The following DNAH3 variants were observed in gnomAD, a reference collection of about 807,000 sequenced individuals.
The protein encoded by DNAH3 is axonemal beta dynein heavy chain 3.
In DNAH3, 332 loss-of-function variants were observed where a neutral mutation model predicts 432.5. The observed-to-expected ratio is 0.77, with a 90% CI of 0.70 to 0.84. The LOEUF (loss-of-function observed/expected upper bound fraction) is 0.84, where lower values mean the gene tolerates loss of function less well. Among genes scored for constraint, DNAH3 ranks in the 40% least tolerant of loss-of-function variants. DNAH3 has a pLI of 0.00. For synonymous variants in DNAH3, 1,956 were observed against 1,900.2 expected (o/e 1.03, Z -0.76); for missense variants, 4,861 against 5,114.0 (o/e 0.95, Z 1.51).
intron 23 of DNAH3, 68 bp from the exon 24 acceptor site, chr16:21,067,487 G>C (rs2152759031): frequency 1.3e-6 from 2 of 1,559,712 alleles, no homozygotes; most frequent in East Asian, 2.3e-5. Flanking sequence ...TCATTGTATT[G>C]AATGTGTGAC....
In DNAH3 at chr16:20,975,449, C is replaced by T. The variant is rs772554600; in HGVS notation, c.8077-34G>A. On this transcript the variant is annotated intron_variant, in intron 50 of 61. Transcript: ENST00000261383. ...GAGAGAGGTGGGAGAAATCCAGGGT[C>T]AGCACTGAAAATGGCAAAGTAGACA... 6.9e-6 allele frequency: 11 copies of T among 1,598,602 alleles called. 1 individual carries two copies. The East Asian group carries it at 2.0e-4, about 29-fold the overall frequency.
intron 38 of DNAH3, among the ~76,000 whole-genome samples, chr16:21,025,973 A>G (rs1279919952): frequency 6.6e-6 from 1 of 152,082 alleles, no homozygotes; most frequent in African/African-American, 2.4e-5. Context: ...TCCTGACCTC[A>G]GGTGATCTGC....
exon 48 of DNAH3, chr16:20,985,131 T>C: frequency 6.2e-7 from 1 of 1,614,210 alleles, no homozygotes; most frequent in Non-Finnish European, 8.5e-7. Flanking sequence ...CCTTCTCTCC[T>C]TGGGTCCTGG....
At chr16:20,966,173 G>A (rs1340850117) in intron 52 of DNAH3, among the ~76,000 whole-genome samples, 2 of 150,750 alleles carry the variant, frequency 1.3e-5, no homozygotes, top group East Asian at 3.9e-4. Flanking sequence ...GAGCAGCTGG[G>A]ATTACAGGCA....
In DNAH3 at chr16:21,049,661, C is replaced by A. The variant is rs140703596; in HGVS notation, c.4369G>T (p.Asp1457Tyr). ...CCCATAGCTTTGTAATCCAAACCAT[C>A]GGAGCAGTTGAAGACCACACACTAG... is the stretch of plus-strand genomic sequence containing the variant. Residue 1457 changes from aspartate (D) to tyrosine (Y), a missense_variant, in exon 31 of 62, where the codon GAT (aspartate) becomes TAT (tyrosine). Transcript: ENST00000261383. 1.5e-4 allele frequency: 244 copies of A among 1,613,998 alleles called. No homozygotes were observed. The highest frequency in any genetic ancestry group is 2.0e-4 in the Non-Finnish European group (234 of 1,180,016).
intron 25 of DNAH3, among the ~76,000 whole-genome samples, chr16:21,062,237 G>A (rs2090384493): frequency 6.6e-6 from 1 of 152,070 alleles, no homozygotes; most frequent in Non-Finnish European, 1.5e-5. Flanking sequence ...ACTCCACATC[G>A]AGTTGGGTTA....
chr16:21,153,722 A>AGGAACAAACTCCAGAC, intron 1 of DNAH3, among the ~76,000 whole-genome samples: 2 of 152,272 alleles, frequency 1.3e-5, no homozygotes, highest in South Asian at 4.2e-4. Context: ...GAGCATCAGA[A>AGGAACAAACTCCAGAC]GGAACAAACT....
chr16:21,008,734 C>T (rs1354137420), intron 41 of DNAH3, among the ~76,000 whole-genome samples: 1 of 152,168 alleles, frequency 6.6e-6, no homozygotes, highest in Non-Finnish European at 1.5e-5. Context: ...TGTCAACTGA[C>T]CTGCTTTCCT....
chr16:20,968,837 C>T (rs1371329817), intron 52 of DNAH3, among the ~76,000 whole-genome samples: 1 of 151,656 alleles, frequency 6.6e-6, no homozygotes, highest in Non-Finnish European at 1.5e-5. Context: ...TTTTTTCTCC[C>T]TGTCTCTGTC....
In DNAH3 at chr16:20,982,136, C is replaced by A. The variant is rs763437055; in HGVS notation, c.7859+585G>T. 1.1e-3 allele frequency among the ~76,000 whole-genome samples: 174 copies of A among 151,866 alleles called. 1 individual carries two copies. Among genetic ancestry groups the A allele is most frequent in the Non-Finnish European group, 1.8e-3 (125 of 67,976 alleles). On this transcript the variant is annotated intron_variant, in intron 49 of 61. Coordinates refer to ENST00000261383, the Ensembl canonical transcript of DNAH3. ...CAGTAGCTCACACCTGTATTCCCAG[C>A]ACTTTGGGAGGCCAAGGCGGGCAGA...
intron 19 of DNAH3, 59 bp downstream of exon 19, chr16:21,086,790 G>T: frequency 6.8e-7 from 1 of 1,471,566 alleles, no homozygotes; most frequent in Non-Finnish European, 9.5e-7. Context: ...CCTTCCCAAG[G>T]ACAGTCAGGG....
At chr16:21,150,529 A>C in intron 1 of DNAH3, 1 of 230,250 alleles carries the variant, frequency 4.3e-6, no homozygotes, top group Non-Finnish European at 8.8e-6. Context: ...CCCGCTGAGG[A>C]GTTCCCTGGT....
exon 53 of DNAH3, chr16:20,965,002 GAGC>G (rs1722528085): frequency 1.2e-6 from 2 of 1,614,082 alleles, no homozygotes; most frequent in African/African-American, 1.3e-5. Context: ...CAGCTTTTGG[GAGC>G]AGATTTCAAT....
intron 1 of DNAH3, among the ~76,000 whole-genome samples, chr16:21,148,315 A>AT (rs2092811317): frequency 6.6e-6 from 1 of 152,014 alleles, no homozygotes; most frequent in Non-Finnish European, 1.5e-5. Context: ...ACCTCATGAG[A>AT]TTTTTTTCAT....
At chr16:21,069,206 A>G (rs1342678126) in intron 23 of DNAH3, among the ~76,000 whole-genome samples, 2 of 152,122 alleles carry the variant, frequency 1.3e-5, no homozygotes, top group African/African-American at 4.8e-5. Context: ...TGGCCTCCCA[A>G]AGTGATGGGA....
intron 15 of DNAH3, 39 bp downstream of exon 15, chr16:21,106,451 G>A (rs1179861659): frequency 1.4e-6 from 2 of 1,475,290 alleles, no homozygotes; most frequent in African/African-American, 2.8e-5. Flanking sequence ...TATACATATA[G>A]GTATGCATTT....
intron 31 of DNAH3, among the ~76,000 whole-genome samples, chr16:21,046,594 A>C (rs964033077): frequency 2.0e-5 from 3 of 152,098 alleles, no homozygotes; most frequent in Admixed American, 6.5e-5. Context: ...GGGTTTCCTG[A>C]ATACAGCACA....
chr16:20,987,479 G>GT (rs1567589447), intron 46 of DNAH3, 31 bp from the exon 47 acceptor site: 1 of 1,612,704 alleles, frequency 6.2e-7, no homozygotes, highest in Non-Finnish European at 8.5e-7. Context: ...ATTCAAACGA[G>GT]TGGAAGATGG....
intron 44 of DNAH3, among the ~76,000 whole-genome samples, chr16:20,989,990 C>G (rs990264380): frequency 1.3e-5 from 2 of 152,338 alleles, no homozygotes; most frequent in Non-Finnish European, 2.9e-5. Flanking sequence ...CTGCAAGCGC[C>G]GCGCGCAGCC....
Sources: gnomAD v4.1 joint callset for allele counts (sites outside exome capture counted in the v4.1 genomes callset) on GRCh38, gnomAD v4.1.1 for gene constraint, MANE v1.5 for transcripts, NCBI Gene and HGNC (gene_info 2026-07-23, HGNC 2026-07-21) for gene names.